Variants in PDSS1 observed in about 807,000 individuals in gnomAD.
PDSS1 encodes the protein all trans-polyprenyl-diphosphate synthase PDSS1.
PDSS1 carries 43 observed loss-of-function variants against 57.5 expected under a neutral mutation model. That is an observed-to-expected ratio of 0.75 (90% CI 0.59 to 0.96). The LOEUF (loss-of-function observed/expected upper bound fraction) is 0.96. Ranked by LOEUF, PDSS1 falls within the 50% of genes least tolerant of loss-of-function variation. The pLI is 0.00. For synonymous variants in PDSS1, 175 were observed against 191.3 expected (o/e 0.91, Z 0.70); for missense variants, 438 against 527.8 (o/e 0.83, Z 1.67).
intron 2 of PDSS1, among the ~76,000 whole-genome samples, chr10:26,703,909 A>G (rs191453351): frequency 0.018 from 2,749 of 151,696 alleles, 81 homozygotes; most frequent in African/African-American, 0.061. Context: ...GTGAAACCCC[A>G]TCTCTACTAA....
chr10:26,724,636 G>C (rs1052917638), intron 8 of PDSS1, among the ~76,000 whole-genome samples: 2 of 152,050 alleles, frequency 1.3e-5, no homozygotes, highest in Non-Finnish European at 2.9e-5. Flanking sequence ...ACAAAGCAGT[G>C]GTGTGATCTT....
At chr10:26,728,754 A>G (rs547654497) in intron 8 of PDSS1, among the ~76,000 whole-genome samples, 5 of 127,622 alleles carry the variant, frequency 3.9e-5, no homozygotes, top group Non-Finnish European at 5.1e-5. Flanking sequence ...GGGCTCTTGG[A>G]TTCTTATTTT....
chr10:26,719,964 G>A (rs927911503), intron 5 of PDSS1, among the ~76,000 whole-genome samples: 6 of 152,144 alleles, frequency 3.9e-5, no homozygotes, highest in South Asian at 2.1e-4. Flanking sequence ...ACTTCTGATC[G>A]TTTACTGTTT....
chr10:26,739,912 G>C (rs928939029), intron 10 of PDSS1, among the ~76,000 whole-genome samples: 1 of 152,192 alleles, frequency 6.6e-6, no homozygotes, highest in Non-Finnish European at 1.5e-5. Flanking sequence ...TTGGGAGGCC[G>C]AGGTGGGCAG....
At chr10:26,725,422 T>C (rs2132273084) in intron 8 of PDSS1, among the ~76,000 whole-genome samples, 1 of 152,328 alleles carries the variant, frequency 6.6e-6, no homozygotes, top group Non-Finnish European at 1.5e-5. Context: ...CTTTAAGGAA[T>C]GTGAATTATG....
chr10:26,717,508 G>C (rs999317010), intron 5 of PDSS1: 2 of 152,208 alleles, frequency 1.3e-5, no homozygotes, highest in African/African-American at 4.8e-5. Context: ...CTGGGATTAT[G>C]GGCATGAGCC....
rs935244286 is a variant in PDSS1 at position 26,740,542 on chromosome 10, C to T, written c.1027-1955C>T. On this transcript the variant is annotated intron_variant, in intron 10 of 11. Coordinates refer to ENST00000376215, the MANE Select transcript of PDSS1 (RefSeq NM_014317.5). ...TGGTCTGAAAAAATTATTTCTTTGT[C>T]TGTGATCACTTGGCTGCGGCTTTTC... 1.6e-5 allele frequency: 7 copies of T among 436,094 alleles called. No individual in the cohort carries two copies. The East Asian group carries it at 4.9e-4, about 31-fold the overall frequency. 27.0% of individuals were successfully genotyped at this position (436,094 alleles called of 1,614,324 possible). A position where few individuals can be genotyped will look rare whatever the true frequency, so the allele number is the denominator to read the frequency against.
intron 10 of PDSS1, among the ~76,000 whole-genome samples, chr10:26,738,822 T>A (rs538742898): frequency 1.3e-4 from 20 of 152,352 alleles, no homozygotes; most frequent in African/African-American, 4.8e-4. Flanking sequence ...GGTTTCCTGA[T>A]AACAGTTGGT....
chr10:26,741,910 C>T (rs532785799), intron 10 of PDSS1, among the ~76,000 whole-genome samples: 5 of 152,150 alleles, frequency 3.3e-5, no homozygotes, highest in Non-Finnish European at 4.4e-5. Flanking sequence ...GAGTTTCACT[C>T]GTTGTCCAAG....
At chr10:26,732,695 T>G (rs1181836829) in intron 8 of PDSS1, among the ~76,000 whole-genome samples, 1 of 152,234 alleles carries the variant, frequency 6.6e-6, no homozygotes, top group African/African-American at 2.4e-5. Context: ...TAGTGGACGC[T>G]CAGAAATTGT....
At chr10:26,743,054 G>C (rs1397714891) in intron 11 of PDSS1, among the ~76,000 whole-genome samples, 1 of 152,180 alleles carries the variant, frequency 6.6e-6, no homozygotes, top group Non-Finnish European at 1.5e-5. Flanking sequence ...ATAAAAGTGT[G>C]ACTAAAGAAA....
At position 26,746,447 on chromosome 10, in the gene PDSS1, G is replaced by A; in HGVS notation, c.1222G>A (p.Glu408Lys). Reference sequence around the variant, plus strand: ...AAGAGATGCCCTCATTCAGCTTTCAGAAATTGTACTCACAAGAGATAAATG... The same window carrying A: ...AAGAGATGCCCTCATTCAGCTTTCAAAAATTGTACTCACAAGAGATAAATG... Reference protein sequence around the residue: ...PERDALIQLSEIVLTRDK With the variant: ...PERDALIQLSKIVLTRDK Residue 408 changes from glutamate to lysine, a missense_variant, in exon 12 of 12, where the codon GAA becomes AAA. This residue lies in a region of PDSS1 where 284 missense variants were observed against 390.7 expected (regional missense o/e 0.73). Coordinates refer to ENST00000376215, the MANE Select transcript of PDSS1 (RefSeq NM_014317.5). 1.2e-6 allele frequency: 2 copies of A among 1,614,126 alleles called. No individual in the cohort carries two copies. The highest frequency in any genetic ancestry group is 1.7e-6 in the Non-Finnish European group (2 of 1,179,972).
chr10:26,717,881 T>G (rs1412655301), intron 5 of PDSS1: 1 of 152,120 alleles, frequency 6.6e-6, no homozygotes, highest in East Asian at 1.9e-4. Context: ...TTATATCTTT[T>G]CCTGTGCATT....
intron 1 of PDSS1, among the ~76,000 whole-genome samples, chr10:26,698,764 A>G (rs78141849): frequency 0.015 from 2,289 of 152,342 alleles, 48 homozygotes; most frequent in African/African-American, 0.052. Flanking sequence ...ATTTCCCAGT[A>G]TGAAATATAT....
At chr10:26,720,678 A>T (rs938182067) in intron 6 of PDSS1, among the ~76,000 whole-genome samples, 3 of 152,218 alleles carry the variant, frequency 2.0e-5, no homozygotes, top group Admixed American at 1.3e-4. Context: ...ACCCAGATTC[A>T]GTTTAATTTT....
intron 11 of PDSS1, among the ~76,000 whole-genome samples, chr10:26,745,014 AT>A (rs1446872718): frequency 2.0e-5 from 3 of 151,862 alleles, no homozygotes; most frequent in Non-Finnish European, 2.9e-5. Flanking sequence ...AAATACAAAC[AT>A]TAGCCAGGCG....
At chr10:26,729,872 A>G (rs191953941) in intron 8 of PDSS1, among the ~76,000 whole-genome samples, 2 of 146,500 alleles carry the variant, frequency 1.4e-5, no homozygotes, top group African/African-American at 5.0e-5. Flanking sequence ...CAAATTTGCA[A>G]CCTCCAGCAT....
chr10:26,741,611 A>C (rs1360526656), intron 10 of PDSS1, among the ~76,000 whole-genome samples: 3 of 152,186 alleles, frequency 2.0e-5, no homozygotes, highest in Admixed American at 6.5e-5. Context: ...TCTGCACATA[A>C]TGCCCTCTGC....
Position 26,711,533 on chromosome 10 carries a change from C to T in PDSS1, c.467+1765C>T, listed in dbSNP as rs190585785. 2.3e-4 allele frequency among the ~76,000 whole-genome samples: 23 copies of T among 99,244 alleles called. 5 individuals are homozygous for T. Among genetic ancestry groups the T allele is most frequent in the African/African-American group, 7.5e-4 (23 of 30,678 alleles). The allele number at this position is 99,244 out of a possible 152,430, so 65.1% of individuals were successfully genotyped here. A position where few individuals can be genotyped will look rare whatever the true frequency, so the allele number is the denominator to read the frequency against. Reference sequence around the variant, plus strand: ...GAAATCTCTGGCATTGACCTTTAACCATTGTCAGGACCACTTTCACTTTAC... The same window carrying T: ...GAAATCTCTGGCATTGACCTTTAACTATTGTCAGGACCACTTTCACTTTAC... On this transcript the variant is annotated intron_variant, in intron 5 of 11. Coordinates refer to ENST00000376215, the MANE Select transcript of PDSS1 (RefSeq NM_014317.5).
Sources: allele counts gnomAD v4.1 joint callset (sites outside exome capture counted in the v4.1 genomes callset), GRCh38; gene constraint gnomAD v4.1.1; regional missense constraint gnomAD v4.1.1; transcripts MANE v1.5; gene names NCBI Gene and HGNC (gene_info 2026-07-23, HGNC 2026-07-21).